DOK6: variants seen among roughly 807,000 people sequenced by gnomAD.
DOK6 encodes the protein downstream of tyrosine kinase 6.
DOK6 carries 22 observed loss-of-function variants against 44.0 expected under a neutral mutation model. The ratio of observed to expected loss-of-function variants is 0.50; its 90% CI spans 0.36 to 0.71. The LOEUF is 0.71. Ranked by LOEUF, DOK6 falls within the 30% of genes least tolerant of loss-of-function variation. The pLI is 0.00. For synonymous variants in DOK6, 166 were observed against 145.5 expected (o/e 1.14, Z -1.01); for missense variants, 340 against 416.4 (o/e 0.82, Z 1.60).
At chr18:69,515,753 A>G (rs1198364193) in intron 1 of DOK6, among the ~76,000 whole-genome samples, 2 of 152,226 alleles carry the variant, frequency 1.3e-5, no homozygotes, top group Admixed American at 1.3e-4. Context: ...ATGCCAATAT[A>G]TTTGAGGGGG....
chr18:69,695,002 G>C (rs546420196), intron 4 of DOK6, among the ~76,000 whole-genome samples: 1 of 152,166 alleles, frequency 6.6e-6, no homozygotes, highest in Non-Finnish European at 1.5e-5. Context: ...AATCAGTTGA[G>C]ATGGGATTAA....
At chr18:69,509,494 C>T (rs1023393798) in intron 1 of DOK6, among the ~76,000 whole-genome samples, 3 of 151,848 alleles carry the variant, frequency 2.0e-5, no homozygotes, top group Admixed American at 6.6e-5. Flanking sequence ...AAAAATTAGC[C>T]GGGCGTGGTG....
rs146260004 is a variant in DOK6 at position 69,830,447 on chromosome 18, T to C, written c.857-10797T>C. 7.0e-4 allele frequency among the ~76,000 whole-genome samples: 107 copies of C among 152,236 alleles called. 1 individual carries two copies. Among genetic ancestry groups the C allele is most frequent in the African/African-American group, 2.5e-3 (102 of 41,542 alleles). On this transcript the variant is annotated intron_variant, in intron 7 of 7. Coordinates refer to ENST00000382713, the MANE Select transcript of DOK6 (RefSeq NM_152721.6). ...GAAAAGGAGATTAGGACAACTGACA[T>C]GCTCACACACAGAGGAAAGGCCGTG... is the stretch of plus-strand genomic sequence containing the variant.
intron 1 of DOK6, among the ~76,000 whole-genome samples, chr18:69,417,439 A>C (rs1978369569): frequency 1.3e-5 from 2 of 152,092 alleles, no homozygotes; most frequent in Admixed American, 6.6e-5. Context: ...GTGTATATAT[A>C]CCACATTTTC....
chr18:69,580,385 A>T (rs959136762), intron 2 of DOK6, among the ~76,000 whole-genome samples: 2 of 152,210 alleles, frequency 1.3e-5, no homozygotes, highest in African/African-American at 2.4e-5. Context: ...CCAGCACGGC[A>T]CATCAAATCC....
intron 3 of DOK6, among the ~76,000 whole-genome samples, chr18:69,609,010 T>C (rs1984071381): frequency 6.6e-6 from 1 of 151,952 alleles, no homozygotes; most frequent in Non-Finnish European, 1.5e-5. Context: ...TTAACTATTT[T>C]CTTAACTATT....
intron 7 of DOK6, among the ~76,000 whole-genome samples, chr18:69,764,718 T>C (rs756987141): frequency 6.6e-6 from 1 of 152,234 alleles, no homozygotes; most frequent in Non-Finnish European, 1.5e-5. Context: ...ATACATATGA[T>C]AATCCCTTAT....
Position 69,528,111 on chromosome 18 carries a change from C to T in DOK6, c.67-36376C>T, listed in dbSNP as rs540603219. Among the ~76,000 whole-genome samples, 41 of 143,576 alleles carry T rather than the reference C, an allele frequency of 2.9e-4. No homozygotes were observed. In the East Asian group the frequency reaches 5.5e-3, roughly 19 times the overall value. 94.2% of individuals were successfully genotyped at this position (143,576 alleles called of 152,430 possible). ...CCGGGAGGTGGAGCTTGCAGTGATC[C>T]GAGATAGTGCCACTGCAGTTCGGCC... On this transcript the variant is annotated intron_variant, in intron 1 of 7. Coordinates refer to ENST00000382713, the MANE Select transcript of DOK6 (RefSeq NM_152721.6).
Position 69,630,665 on chromosome 18 carries a change from A to G in DOK6, c.289+31167A>G, listed in dbSNP as rs568765646. Among the ~76,000 whole-genome samples the G allele has an allele frequency of 5.3e-4, 80 of 152,312 alleles. 1 individual carries two copies. The highest frequency in any genetic ancestry group is 3.4e-3 in the Middle Eastern group (1 of 294). ...AAAAATGTGCCAAGTTTCACAAAGC[A>G]TTAGTCATTATATTCATTTCTATTT... On this transcript the variant is annotated intron_variant, in intron 3 of 7. Transcript: ENST00000382713.
intron 3 of DOK6, among the ~76,000 whole-genome samples, chr18:69,649,234 T>C (rs1195969650): frequency 6.6e-6 from 1 of 152,222 alleles, no homozygotes; most frequent in African/African-American, 2.4e-5. Context: ...AAGGCTATAT[T>C]CTATTCATTT....
chr18:69,432,259 A>G (rs1282029002), intron 1 of DOK6, among the ~76,000 whole-genome samples: 1 of 152,196 alleles, frequency 6.6e-6, no homozygotes, highest in Non-Finnish European at 1.5e-5. Context: ...CCTGGGCAAC[A>G]TGGCAAGAAC....
At chr18:69,816,307 T>C (rs1981397235) in intron 7 of DOK6, among the ~76,000 whole-genome samples, 1 of 152,206 alleles carries the variant, frequency 6.6e-6, no homozygotes, top group African/African-American at 2.4e-5. Flanking sequence ...CCTATATTTT[T>C]CTCTGCCAAT....
chr18:69,631,410 T>TG (rs5825957), intron 3 of DOK6, among the ~76,000 whole-genome samples: 119,836 of 152,030 alleles, frequency 0.79, 49,542 homozygotes, highest in Non-Finnish European at 0.93. Context: ...TGTGACCAGC[T>TG]GGCCCAGGAG....
chr18:69,746,286 A>G (rs539795503), intron 6 of DOK6, among the ~76,000 whole-genome samples: 46 of 152,278 alleles, frequency 3.0e-4, no homozygotes, highest in African/African-American at 1.1e-3. Flanking sequence ...TTATTCATTT[A>G]GAGACAGAGT....
intron 1 of DOK6, among the ~76,000 whole-genome samples, chr18:69,459,183 T>A (rs891074743): frequency 9.7e-4 from 56 of 57,676 alleles, no homozygotes; most frequent in African/African-American, 3.5e-3. Flanking sequence ...CAAAAAAAAA[T>A]ATTTTGTGTG....
At chr18:69,473,848 G>C (rs1172109331) in intron 1 of DOK6, among the ~76,000 whole-genome samples, 1 of 152,184 alleles carries the variant, frequency 6.6e-6, no homozygotes, top group East Asian at 1.9e-4. Context: ...AATAGAAGCA[G>C]GATATGTTCC....
intron 1 of DOK6, among the ~76,000 whole-genome samples, chr18:69,467,989 G>C (rs1489492941): frequency 6.6e-6 from 1 of 152,092 alleles, no homozygotes; most frequent in Non-Finnish European, 1.5e-5. Context: ...CCATGCAATA[G>C]GCAATGATTT....
rs1212054065 is a variant in DOK6 at position 69,599,438 on chromosome 18, A to G, written c.229A>G (p.Lys77Glu). 1 of 1,613,874 alleles carries G rather than the reference A, an allele frequency of 6.2e-7. No homozygotes were observed. The change falls in exon 3 of 8, where the codon AAG becomes GAG. Residue 77 changes from lysine to glutamate, a missense_variant. Around this residue, in one of 3 missense-constraint regions of DOK6, gnomAD observed 206 missense variants for 258.6 expected, o/e 0.80. Coordinates refer to ENST00000382713, the MANE Select transcript of DOK6 (RefSeq NM_152721.6). ...NITRLPRETK[K>E]HAVAIIFHDE... is the part of the protein sequence containing the mutation. Reference sequence around the variant, plus strand: ...AACCAGACTGCCCCGAGAGACAAAGAAGCATGCGGTGGCAATCATCTTTCA... The same window carrying G: ...AACCAGACTGCCCCGAGAGACAAAGGAGCATGCGGTGGCAATCATCTTTCA...
intron 1 of DOK6, among the ~76,000 whole-genome samples, chr18:69,552,853 T>A (rs1982598658): frequency 1.3e-5 from 2 of 152,268 alleles, no homozygotes; most frequent in African/African-American, 2.4e-5. Context: ...TGGAACTCTT[T>A]GAAAAGCTGT....
Sources: allele counts gnomAD v4.1 joint callset (sites outside exome capture counted in the v4.1 genomes callset), GRCh38; gene constraint gnomAD v4.1.1; regional missense constraint gnomAD v4.1.1; transcripts MANE v1.5; gene names NCBI Gene and HGNC (gene_info 2026-07-23, HGNC 2026-07-21).